The following AKR1C8 variants were observed in gnomAD, a reference collection of about 807,000 sequenced individuals.
AKR1C8 encodes aldo-keto reductase family 1 member C-like protein 1.
chr10:5,184,627 T>C, the AKR1C8 span, among the ~76,000 whole-genome samples: 1 of 152,188 alleles, frequency 6.6e-6, no homozygotes, highest in Non-Finnish European at 1.5e-5. Flanking sequence ...AGTCTGAGCT[T>C]GCATTTTTAA....
At chr10:5,173,992 T>A in the AKR1C8 span, among the ~76,000 whole-genome samples, 1 of 151,976 alleles carries the variant, frequency 6.6e-6, no homozygotes, top group Non-Finnish European at 1.5e-5. Flanking sequence ...AAACCATATA[T>A]ACACATACAC....
chr10:5,150,183 GC>G, the AKR1C8 span, among the ~76,000 whole-genome samples: 1 of 152,036 alleles, frequency 6.6e-6, no homozygotes, highest in African/African-American at 2.4e-5. Context: ...CTACAAAAAT[GC>G]ATTTAAATGT....
chr10:5,159,360 T>C, the AKR1C8 span, among the ~76,000 whole-genome samples: 1 of 152,188 alleles, frequency 6.6e-6, no homozygotes, highest in East Asian at 1.9e-4. Flanking sequence ...TGGAAATCTT[T>C]ACAGGACAAA....
At chr10:5,127,590 G>A in the AKR1C8 span, among the ~76,000 whole-genome samples, 4 of 129,658 alleles carry the variant, frequency 3.1e-5, no homozygotes, top group African/African-American at 8.3e-5. Flanking sequence ...ATGCTGGCAT[G>A]TGCCTGTAAT....
At chr10:5,150,861 G>T in the AKR1C8 span, among the ~76,000 whole-genome samples, 2 of 152,168 alleles carry the variant, frequency 1.3e-5, no homozygotes, top group Non-Finnish European at 2.9e-5. Flanking sequence ...TGCCTAGAAT[G>T]AGCTGATCTA....
chr10:5,146,243 A>G, the AKR1C8 span, among the ~76,000 whole-genome samples: 164 of 151,660 alleles, frequency 1.1e-3, no homozygotes, highest in Non-Finnish European at 2.0e-3. Context: ...AGATATACCG[A>G]ATGCTAGATG....
At chr10:5,161,876 G>A in the AKR1C8 span, 1 of 534,422 alleles carries the variant, frequency 1.9e-6, no homozygotes, top group Admixed American at 1.9e-5. Context: ...AATGGTACAT[G>A]AATAATGAAG....
At chr10:5,176,775 T>C in the AKR1C8 span, among the ~76,000 whole-genome samples, 1 of 152,132 alleles carries the variant, frequency 6.6e-6, no homozygotes, top group Non-Finnish European at 1.5e-5. Context: ...TTTGGCTCTC[T>C]GTTTGTCTGT....
chr10:5,120,239 A>G, the AKR1C8 span, among the ~76,000 whole-genome samples: 7 of 152,300 alleles, frequency 4.6e-5, no homozygotes, highest in East Asian at 1.4e-3. Context: ...TATAGAAACA[A>G]TGCTTATCAC....
At chr10:5,166,798 T>C in the AKR1C8 span, among the ~76,000 whole-genome samples, 1 of 152,094 alleles carries the variant, frequency 6.6e-6, no homozygotes, top group Non-Finnish European at 1.5e-5. Context: ...GGGATCTAAT[T>C]AAACTCAAGA....
At chr10:5,149,374 T>A in the AKR1C8 span, among the ~76,000 whole-genome samples, 1 of 152,108 alleles carries the variant, frequency 6.6e-6, no homozygotes, top group Non-Finnish European at 1.5e-5. Context: ...TTTGCATACA[T>A]TGCAACAAGA....
At chr10:5,134,028 G>A in the AKR1C8 span, among the ~76,000 whole-genome samples, 59,379 of 151,740 alleles carry the variant, frequency 0.39, 12,382 homozygotes, top group Non-Finnish European at 0.43. Context: ...AAATTTGGAT[G>A]AAGATTTGAA....
the AKR1C8 span, among the ~76,000 whole-genome samples, chr10:5,178,595 T>C: frequency 2.0e-5 from 3 of 152,154 alleles, no homozygotes; most frequent in Non-Finnish European, 4.4e-5. Context: ...AAGTCTCCCG[T>C]TATTATTGTG....
chr10:5,123,920 G>A, the AKR1C8 span: 6 of 1,242,768 alleles, frequency 4.8e-6, no homozygotes, highest in Admixed American at 8.2e-5. Context: ...ATAAATATGT[G>A]TAGCATCAAA....
At chr10:5,174,178 G>T in the AKR1C8 span, among the ~76,000 whole-genome samples, 1 of 150,756 alleles carries the variant, frequency 6.6e-6, no homozygotes, top group African/African-American at 2.4e-5. Flanking sequence ...ACTCCATCCT[G>T]AGACCAATAA....
At chr10:5,136,438 C>T in the AKR1C8 span, among the ~76,000 whole-genome samples, 1 of 102,756 alleles carries the variant, frequency 9.7e-6, no homozygotes, top group Non-Finnish European at 1.9e-5. Context: ...ATTCCAGCTA[C>T]TCAAGAGGCT....
chr10:5,153,240 A>T, the AKR1C8 span, among the ~76,000 whole-genome samples: 3 of 146,138 alleles, frequency 2.1e-5, no homozygotes, highest in Non-Finnish European at 4.6e-5. Context: ...TTTGCTTAAT[A>T]AATGAATGAA....
the AKR1C8 span, among the ~76,000 whole-genome samples, chr10:5,148,824 A>G: frequency 6.6e-6 from 1 of 152,158 alleles, no homozygotes; most frequent in African/African-American, 2.4e-5. Flanking sequence ...TCCAGAGAAT[A>G]TATTTTTCTT....
the AKR1C8 span, among the ~76,000 whole-genome samples, chr10:5,167,284 G>T: frequency 6.6e-6 from 1 of 152,114 alleles, no homozygotes; most frequent in African/African-American, 2.4e-5. Flanking sequence ...CCATTACTGG[G>T]TATATACCCA....
Sources: allele counts gnomAD v4.1 joint callset (sites outside exome capture counted in the v4.1 genomes callset), GRCh38; gene constraint gnomAD v4.1.1; transcripts MANE v1.5; gene names NCBI Gene and HGNC (gene_info 2026-07-23, HGNC 2026-07-21).